Variants in BCR observed in about 807,000 individuals in gnomAD.
BCR encodes BCR activator of RhoGEF and GTPase.
In BCR, 58 loss-of-function variants were observed where a neutral mutation model predicts 138.6. The ratio of observed to expected loss-of-function variants is 0.42; its 90% confidence interval spans 0.34 to 0.52. The LOEUF is 0.52. BCR is among the 20% of genes least tolerant of loss of function. The probability of loss-of-function intolerance (pLI) is 0.06; values close to 1 mark genes in which losing one functional copy is unlikely to be tolerated. For missense variants in BCR, 1,599 were observed against 1,727.2 expected, an observed-to-expected ratio of 0.93 and a Z score of 1.32; for synonymous variants, 786 against 730.1, an observed-to-expected ratio of 1.08 and a Z score of -1.23.
At chr22:23,263,748 A>G (rs2073400932) in intron 4 of BCR, 2 of 1,431,576 alleles carry the variant, frequency 1.4e-6, no homozygotes, top group Non-Finnish European at 2.0e-6. Flanking sequence ...TGGATTGCAA[A>G]GGGGGCATCA....
intron 1 of BCR, among the ~76,000 whole-genome samples, chr22:23,221,130 C>T (rs2072819761): frequency 6.6e-6 from 1 of 152,222 alleles, no homozygotes; most frequent in South Asian, 2.1e-4. Context: ...TGCAATACTT[C>T]ATTCTTCCTA....
chr22:23,250,051 G>GC (rs917964952), intron 1 of BCR, among the ~76,000 whole-genome samples: 7 of 152,222 alleles, frequency 4.6e-5, no homozygotes, highest in African/African-American at 1.7e-4. Context: ...ACACAGGCAG[G>GC]CAAACCCTCA....
chr22:23,187,430 T>C (rs1239296930), intron 1 of BCR, among the ~76,000 whole-genome samples: 1 of 152,088 alleles, frequency 6.6e-6, no homozygotes, highest in Non-Finnish European at 1.5e-5. Flanking sequence ...GGCTGTCTTA[T>C]TTGTGTTGCA....
At chr22:23,220,757 G>A (rs2072815409) in intron 1 of BCR, among the ~76,000 whole-genome samples, 1 of 152,200 alleles carries the variant, frequency 6.6e-6, no homozygotes. Context: ...TCTGTAAGAT[G>A]GGGGTAGTAA....
At chr22:23,268,008 G>T (rs574251119) in intron 4 of BCR, among the ~76,000 whole-genome samples, 7 of 152,210 alleles carry the variant, frequency 4.6e-5, no homozygotes, top group Non-Finnish European at 1.0e-4. Context: ...GGGAAAGGGG[G>T]TGACCTCTGT....
chr22:23,255,502 G>A (rs1240727641), intron 2 of BCR, among the ~76,000 whole-genome samples: 3 of 152,174 alleles, frequency 2.0e-5, no homozygotes, highest in Admixed American at 1.3e-4. Context: ...CATTGTGAGC[G>A]TGGTTTGGTA....
At chr22:23,189,982 G>A (rs1412153505) in intron 1 of BCR, among the ~76,000 whole-genome samples, 1 of 152,178 alleles carries the variant, frequency 6.6e-6, no homozygotes, top group Admixed American at 6.6e-5. Flanking sequence ...AGACTGGGTG[G>A]CTTAAATAAC....
chr22:23,199,081 C>G (rs996775069), intron 1 of BCR: 24 of 313,180 alleles, frequency 7.7e-5, no homozygotes, highest in African/African-American at 5.1e-4. Context: ...AAGATCACAC[C>G]ATTGCACGCC....
Position 23,316,216 on chromosome 22 carries a change from G to C in BCR, c.*694G>C, listed in dbSNP as rs1294446307. The C allele has an allele frequency of 1.8e-5, 3 of 167,390 alleles. No homozygotes were observed. The highest frequency in any genetic ancestry group is 4.5e-4 in the South Asian group (2 of 4,416). 10.4% of individuals were successfully genotyped at this position (167,390 alleles called of 1,614,324 possible). ...CAGGACCCCCAGGGAGGGAACCCCA[G>C]GCTACGCACTTTAGGGTTCGTTCTC... On this transcript the variant is annotated 3_prime_UTR_variant, in exon 23 of 23. Coordinates refer to ENST00000305877, the MANE Select transcript of BCR (RefSeq NM_004327.4).
At chr22:23,217,494 A>G (rs894966354) in intron 1 of BCR, among the ~76,000 whole-genome samples, 1 of 152,164 alleles carries the variant, frequency 6.6e-6, no homozygotes, top group African/African-American at 2.4e-5. Flanking sequence ...CCATGGGGGC[A>G]TTGGTTGGCC....
intron 16 of BCR, 83 bp from the exon 17 acceptor site, chr22:23,309,341 G>A (rs545373100): frequency 9.4e-7 from 1 of 1,069,274 alleles, no homozygotes; most frequent in African/African-American, 1.5e-5. Context: ...AAGGGTTGGG[G>A]AAGTGGCGGG....
At chr22:23,279,544 A>G (rs2073618442) in intron 8 of BCR, among the ~76,000 whole-genome samples, 1 of 152,218 alleles carries the variant, frequency 6.6e-6, no homozygotes, top group South Asian at 2.1e-4. Context: ...CTCTGGGGGC[A>G]GGGTAGCGGG....
At chr22:23,202,533 C>G (rs1319925351) in intron 1 of BCR, among the ~76,000 whole-genome samples, 2 of 152,148 alleles carry the variant, frequency 1.3e-5, no homozygotes, top group East Asian at 1.9e-4. Context: ...CCCCCACGCC[C>G]AGTCCCTGTA....
intron 4 of BCR, chr22:23,264,197 C>T (rs5759668): frequency 0.11 from 132,968 of 1,227,416 alleles, 12,813 homozygotes; most frequent in African/African-American, 0.48. Context: ...CCTTCTATAG[C>T]GTTGTACGGC....
chr22:23,274,560 G>C (rs1173151739), intron 8 of BCR, among the ~76,000 whole-genome samples: 7 of 152,196 alleles, frequency 4.6e-5, no homozygotes, highest in Non-Finnish European at 1.0e-4. Flanking sequence ...AGGGACAGAA[G>C]CTGTCTGGCC....
intron 19 of BCR, 70 bp from the exon 20 acceptor site, chr22:23,312,817 C>G (rs2074022918): frequency 6.3e-7 from 1 of 1,584,378 alleles, no homozygotes. Context: ...GTGCTTTAGC[C>G]AAGGCAGGGA....
chr22:23,258,073 C>T (rs923625728), intron 2 of BCR, among the ~76,000 whole-genome samples: 4 of 152,244 alleles, frequency 2.6e-5, no homozygotes, highest in East Asian at 1.9e-4. Flanking sequence ...ATGGAACCTG[C>T]GTGTCCTTTT....
At position 23,316,019 on chromosome 22, in the gene BCR, C is replaced by T. The variant is rs1388268305; in HGVS notation, c.*497C>T. 1 of 239,790 alleles carries T rather than the reference C, an allele frequency of 4.2e-6. No individual in the cohort carries two copies. The highest frequency in any genetic ancestry group is 3.1e-5 in the African/African-American group (1 of 32,118). 14.9% of individuals were successfully genotyped at this position (239,790 alleles called of 1,614,324 possible). The stretch of plus-strand genomic sequence containing the variant: ...TTCCATTTCCCTGACTTAGAAACCA[C>T]ACTCCACTTCTAACAGGGTTTGAGA... On this transcript the variant is annotated 3_prime_UTR_variant, in exon 23 of 23. Coordinates refer to ENST00000305877, the MANE Select transcript of BCR (RefSeq NM_004327.4).
At position 23,182,064 on chromosome 22, in the gene BCR, C is replaced by T. The variant is rs1666204395; in HGVS notation, c.1104C>T (p.Arg368=). ...TTYRMFRDKS[R]SPSQNSQQSF... Reference sequence around the variant, plus strand: ...ACCGCATGTTCCGGGACAAAAGCCGCTCTCCCTCGCAGAACTCGCAACAGT... The same window carrying T: ...ACCGCATGTTCCGGGACAAAAGCCGTTCTCCCTCGCAGAACTCGCAACAGT... The change falls in exon 1 of 23, where the codon CGC becomes CGT. Residue 368 remains arginine, a synonymous_variant. Coordinates refer to ENST00000305877, the MANE Select transcript of BCR (RefSeq NM_004327.4). The T allele has an allele frequency of 1.9e-6, 3 of 1,613,498 alleles. No individual in the cohort carries two copies. The highest frequency in any genetic ancestry group is 1.6e-4 in the Middle Eastern group (1 of 6,082).
Sources: gnomAD v4.1 joint callset for allele counts (sites outside exome capture counted in the v4.1 genomes callset) on GRCh38, gnomAD v4.1.1 for gene constraint, MANE v1.5 for transcripts, NCBI Gene and HGNC (gene_info 2026-07-23, HGNC 2026-07-21) for gene names.